Variants in FAM13B observed in about 807,000 individuals in gnomAD.
The protein encoded by FAM13B is protein FAM13B.
Under a neutral mutation model 117.3 loss-of-function variants are expected in FAM13B, and 60 were observed. The observed-to-expected ratio is 0.51, with a 90% CI of 0.42 to 0.63. The LOEUF (loss-of-function observed/expected upper bound fraction) is 0.63, where lower values mean the gene tolerates loss of function less well. Ranked by LOEUF, FAM13B falls within the 30% of genes least tolerant of loss-of-function variation. The pLI is 0.00. For synonymous variants in FAM13B, 332 were observed against 356.1 expected (o/e 0.93, Z 0.76); for missense variants, 972 against 1,091.9 (o/e 0.89, Z 1.55).
chr5:138,039,748 CCATT>C (rs1200257762), intron 1 of FAM13B: 3 of 152,030 alleles, frequency 2.0e-5, no homozygotes, highest in African/African-American at 2.4e-5. Flanking sequence ...CAGGCACCTT[CCATT>C]CAGACCACAT....
intron 4 of FAM13B, among the ~76,000 whole-genome samples, chr5:138,012,210 A>G (rs953798288): frequency 7.5e-6 from 1 of 134,040 alleles, no homozygotes. Flanking sequence ...CATTGGCCCC[A>G]ATTCTCTTTT....
intron 8 of FAM13B, among the ~76,000 whole-genome samples, chr5:137,988,055 G>A (rs187943113): frequency 6.6e-6 from 1 of 151,956 alleles, no homozygotes; most frequent in African/African-American, 2.4e-5. Flanking sequence ...TTATTTCAGA[G>A]GATTCAAAAA....
Position 137,940,364 on chromosome 5 carries a change from A to T in FAM13B, c.2691-16T>A, listed in dbSNP as rs201312617. ...CTGGGCATTCCTAGGGGAGAAAATA[A>T]AATTTGTAATGTTCTAGAGATCATT... On this transcript the variant is annotated splice_polypyrimidine_tract_variant and intron_variant, in intron 23 of 23. Transcript: ENST00000689681. 423 of 1,574,760 alleles carry T rather than the reference A, an allele frequency of 2.7e-4. 1 individual carries two copies. The highest frequency in any genetic ancestry group is 3.4e-4 in the Non-Finnish European group (397 of 1,158,414).
At chr5:138,017,221 T>C (rs965853576) in intron 4 of FAM13B, among the ~76,000 whole-genome samples, 4 of 152,196 alleles carry the variant, frequency 2.6e-5, no homozygotes, top group African/African-American at 7.2e-5. Flanking sequence ...AGAAAACATG[T>C]GTAAGAGGGT....
At chr5:137,967,202 A>G (rs1770271704) in intron 10 of FAM13B, among the ~76,000 whole-genome samples, 1 of 152,166 alleles carries the variant, frequency 6.6e-6, no homozygotes, top group Non-Finnish European at 1.5e-5. Context: ...TTTGCGACTG[A>G]TCGTTAAGAA....
intron 13 of FAM13B, among the ~76,000 whole-genome samples, chr5:137,959,076 T>C (rs1767378579): frequency 6.6e-6 from 1 of 152,250 alleles, no homozygotes; most frequent in Non-Finnish European, 1.5e-5. Context: ...GTTGTTTGCT[T>C]GTTAAATTTT....
intron 7 of FAM13B, among the ~76,000 whole-genome samples, chr5:137,989,219 C>T (rs1205651256): frequency 6.6e-6 from 1 of 152,154 alleles, no homozygotes; most frequent in African/African-American, 2.4e-5. Context: ...TGTGGCAATA[C>T]AATCTCTAAC....
chr5:138,041,704 A>G (rs1322252699), intron 1 of FAM13B, among the ~76,000 whole-genome samples: 1 of 152,004 alleles, frequency 6.6e-6, no homozygotes, highest in Non-Finnish European at 1.5e-5. Flanking sequence ...TGGGAGGCCA[A>G]GGCAGGAGGA....
At chr5:138,034,995 C>CTTT (rs557807234), upstream of FAM13B, among the ~76,000 whole-genome samples, 93 of 34,370 alleles carry the variant, frequency 2.7e-3, 18 homozygotes, top group Middle Eastern at 0.023. Flanking sequence ...ATTCCCTTGC[C>CTTT]TTTTTTTTTT....
chr5:138,014,062 A>G lies in FAM13B; in HGVS notation c.371-2117T>C, dbSNP rs1341813240. On this transcript the variant is annotated intron_variant, in intron 4 of 23. Coordinates refer to ENST00000689681, the MANE Select transcript of FAM13B (RefSeq NM_001385994.1). ...AGCGATCCTCCCACGTCAACTTCCT[A>G]GGTAACTAGAACCACAAGCAAATGC... Among the ~76,000 whole-genome samples the G allele has an allele frequency of 2.1e-4, 32 of 152,120 alleles. 1 individual carries two copies. Among genetic ancestry groups the G allele is most frequent in the Admixed American group, 2.0e-3 (31 of 15,282 alleles).
At chr5:138,006,881 A>G (rs1782691868) in intron 7 of FAM13B, 109 bp downstream of exon 7, 2 of 1,132,176 alleles carry the variant, frequency 1.8e-6, no homozygotes, top group African/African-American at 1.6e-5. Context: ...TTCACACACA[A>G]ATGCCAAACT....
At chr5:137,946,149 G>T in intron 19 of FAM13B, 79 bp downstream of exon 19, 1 of 1,360,812 alleles carries the variant, frequency 7.3e-7, no homozygotes, top group South Asian at 1.3e-5. Context: ...AAACAGCCCT[G>T]AAGAATGTAG....
chr5:137,986,434 C>CCT (rs1420446277), intron 9 of FAM13B, among the ~76,000 whole-genome samples: 2 of 56,530 alleles, frequency 3.5e-5, no homozygotes, highest in African/African-American at 4.5e-5. Context: ...CTTCCCCCCC[C>CCT]CAAAAAAAAT....
rs762462788 is a variant in FAM13B at position 138,011,775 on chromosome 5, C to T, written c.541G>A (p.Val181Ile). ...ATTTTTTAAACAACTTACTGGAAGA[C>T]ATCTGGACCAAAGACAGCAGCCAAA... ...NSLAAVFGPD[V>I]FHIYTDVEDM... Residue 181 changes from valine (V) to isoleucine (I), a missense_variant, in exon 5 of 24, where the codon GTC becomes ATC. Physicochemically the swap from Val to Ile is conservative, Grantham distance 29. Transcript: ENST00000689681. The T allele has an allele frequency of 6.2e-7, 1 of 1,609,298 alleles. No individual in the cohort carries two copies. Among genetic ancestry groups the T allele is most frequent in the Admixed American group, 1.7e-5 (1 of 58,892 alleles).
At chr5:137,940,421 T>C (rs1761318482) in intron 23 of FAM13B, 73 bp from the exon 24 acceptor site, 1 of 980,510 alleles carries the variant, frequency 1.0e-6, no homozygotes, top group Non-Finnish European at 1.5e-6. Context: ...TGTCTTAATA[T>C]GAGACATACT....
intron 10 of FAM13B, among the ~76,000 whole-genome samples, chr5:137,980,984 C>T (rs986849042): frequency 4.0e-5 from 6 of 151,284 alleles, no homozygotes; most frequent in Admixed American, 1.3e-4. Context: ...GTGATCACCA[C>T]GCACTGCAGC....
intron 1 of FAM13B, chr5:138,039,718 G>A (rs1791420914): frequency 6.6e-6 from 1 of 151,808 alleles, no homozygotes; most frequent in African/African-American, 2.4e-5. Context: ...TTACAGGCAT[G>A]AGCCACCATG....
At chr5:138,048,940 C>CTTTTT (rs35414064) in intron 1 of FAM13B, among the ~76,000 whole-genome samples, 4 of 122,414 alleles carry the variant, frequency 3.3e-5, no homozygotes, top group Admixed American at 9.0e-5. Flanking sequence ...TGATACATTT[C>CTTTTT]TTTTTTTTTT....
intron 17 of FAM13B, among the ~76,000 whole-genome samples, chr5:137,949,976 A>G (rs1249887612): frequency 6.6e-6 from 1 of 152,066 alleles, no homozygotes; most frequent in African/African-American, 2.4e-5. Context: ...AAAACACAAA[A>G]ACAACAACAA....
Sources: allele counts gnomAD v4.1 joint callset (sites outside exome capture counted in the v4.1 genomes callset), GRCh38; gene constraint gnomAD v4.1.1; transcripts MANE v1.5; gene names NCBI Gene and HGNC (gene_info 2026-07-23, HGNC 2026-07-21).